Variants in GRM7 observed in about 807,000 individuals in gnomAD.
The protein encoded by GRM7 is glutamate metabotropic receptor 7.
In GRM7, 35 loss-of-function variants were observed where a neutral mutation model predicts 84.5. The observed-to-expected ratio is 0.41, with a 90% CI of 0.32 to 0.55. The LOEUF is 0.55. GRM7 is among the 20% of genes least tolerant of loss of function. GRM7 has a pLI of 0.19. For synonymous variants in GRM7, 487 were observed against 455.1 expected, an observed-to-expected ratio of 1.07 and a Z score of -0.89; for missense variants, 1,003 against 1,194.6, an observed-to-expected ratio of 0.84 and a Z score of 2.36.
chr3:7,400,372 A>C (rs577091312), intron 4 of GRM7, among the ~76,000 whole-genome samples: 1 of 152,312 alleles, frequency 6.6e-6, no homozygotes, highest in Non-Finnish European at 1.5e-5. Flanking sequence ...CACAGTATGC[A>C]TTCTAAGAAC....
chr3:7,398,004 AC>A lies in GRM7; in HGVS notation c.1034-17013del, dbSNP rs111906237. Among the ~76,000 whole-genome samples, 470 of 152,080 alleles carry A rather than the reference AC, an allele frequency of 3.1e-3. 2 individuals are homozygous for A. The highest frequency in any genetic ancestry group is 0.01 in the African/African-American group (420 of 41,496). ...CCCATGTGATATAAACGAAACACCA[AC>A]CCCCCACCAAAAACTTATAATTTTA... On this transcript the variant is annotated intron_variant, in intron 4 of 9. Coordinates refer to ENST00000357716, the MANE Select transcript of GRM7 (RefSeq NM_000844.4).
intron 2 of GRM7, among the ~76,000 whole-genome samples, chr3:7,152,972 C>T (rs996464667): frequency 7.2e-5 from 11 of 151,990 alleles, no homozygotes; most frequent in Admixed American, 2.0e-4. Context: ...AAGGCTGGGG[C>T]GATGGAAAAC....
At chr3:7,355,557 C>T (rs760110773) in intron 4 of GRM7, among the ~76,000 whole-genome samples, 11 of 152,064 alleles carry the variant, frequency 7.2e-5, no homozygotes, top group Non-Finnish European at 1.5e-4. Flanking sequence ...CACATAACTA[C>T]TCTCCTTTAG....
At chr3:7,184,768 G>A (rs1019872327) in intron 2 of GRM7, among the ~76,000 whole-genome samples, 6 of 151,936 alleles carry the variant, frequency 3.9e-5, no homozygotes, top group African/African-American at 7.2e-5. Context: ...ATGTTGTGGC[G>A]GATACTCCTT....
intron 8 of GRM7, among the ~76,000 whole-genome samples, chr3:7,656,105 C>A (rs1699165812): frequency 6.6e-6 from 1 of 152,148 alleles, no homozygotes; most frequent in African/African-American, 2.4e-5. Flanking sequence ...TTTGGGGGTT[C>A]TGTCTAGTGC....
chr3:7,521,410 C>A (rs1033081184), intron 7 of GRM7, among the ~76,000 whole-genome samples: 1 of 152,264 alleles, frequency 6.6e-6, no homozygotes, highest in African/African-American at 2.4e-5. Flanking sequence ...TAAAGGCAAG[C>A]CCCTGTGAAT....
intron 9 of GRM7, among the ~76,000 whole-genome samples, chr3:7,728,573 C>T (rs1194696676): frequency 5.3e-5 from 8 of 152,148 alleles, no homozygotes; most frequent in Admixed American, 3.9e-4. Flanking sequence ...ATTTACTCAA[C>T]CCAAGATGGG....
intron 4 of GRM7, among the ~76,000 whole-genome samples, chr3:7,397,814 G>A (rs1388810318): frequency 6.6e-6 from 1 of 152,066 alleles, no homozygotes; most frequent in Non-Finnish European, 1.5e-5. Flanking sequence ...GGGGGCTGGT[G>A]GTGGTACAGT....
intron 8 of GRM7, among the ~76,000 whole-genome samples, chr3:7,583,351 G>A (rs1290426708): frequency 6.6e-6 from 1 of 152,128 alleles, no homozygotes; most frequent in Non-Finnish European, 1.5e-5. Context: ...AATCTGCCTA[G>A]AACTAATAGA....
intron 9 of GRM7, chr3:7,680,802 G>T: frequency 6.2e-6 from 1 of 162,278 alleles, no homozygotes. Flanking sequence ...TCAAATCCAG[G>T]TACACAGGGC....
chr3:7,574,338 T>C (rs963896161), intron 7 of GRM7, among the ~76,000 whole-genome samples: 2 of 152,058 alleles, frequency 1.3e-5, no homozygotes. Flanking sequence ...TTTTGTAGTG[T>C]TAGTAGAGGC....
chr3:7,159,555 C>T (rs1470972466), intron 2 of GRM7, among the ~76,000 whole-genome samples: 7 of 152,186 alleles, frequency 4.6e-5, no homozygotes, highest in African/African-American at 1.7e-4. Context: ...CACCTTCCCC[C>T]TCTTTCATTC....
chr3:7,220,166 TC>T (rs1245962136), intron 2 of GRM7, among the ~76,000 whole-genome samples: 3 of 152,200 alleles, frequency 2.0e-5, no homozygotes, highest in African/African-American at 4.8e-5. Flanking sequence ...AGTTACAGCA[TC>T]ATTTCTCAAT....
At chr3:7,493,652 G>C (rs1019691005) in intron 7 of GRM7, among the ~76,000 whole-genome samples, 1 of 151,628 alleles carries the variant, frequency 6.6e-6, no homozygotes, top group Non-Finnish European at 1.5e-5. Context: ...TTTTTGATTG[G>C]CATATTTAGA....
chr3:6,967,136 T>A (rs1195311816), intron 1 of GRM7, among the ~76,000 whole-genome samples: 1 of 152,194 alleles, frequency 6.6e-6, no homozygotes, highest in African/African-American at 2.4e-5. Context: ...GGAATTTGCT[T>A]TGAGTTGCCA....
chr3:7,606,504 GT>G (rs980734460), intron 8 of GRM7, among the ~76,000 whole-genome samples: 8 of 152,088 alleles, frequency 5.3e-5, no homozygotes, highest in Admixed American at 1.3e-4. Context: ...CACCTTATCT[GT>G]TTTATAAGTG....
chr3:7,495,628 C>T (rs773446751), intron 7 of GRM7, among the ~76,000 whole-genome samples: 2 of 152,160 alleles, frequency 1.3e-5, no homozygotes, highest in Non-Finnish European at 2.9e-5. Flanking sequence ...AAAAGTCCCT[C>T]TCCCGATTGC....
rs538207399 is a variant in GRM7, at chr3:7,176,564, C to G, written c.736+29896C>G. ...TCTGCAAAAACTGAGTAATCTACTC[C>G]TCTTTTAAAGAGTTGGCATATATTA... On this transcript the variant is annotated intron_variant, in intron 2 of 9. Transcript: ENST00000357716. 2.1e-4 allele frequency among the ~76,000 whole-genome samples: 32 copies of G among 152,310 alleles called. No individual in the cohort carries two copies. In the South Asian group the frequency reaches 5.0e-3, roughly 24 times the overall value.
intron 4 of GRM7, among the ~76,000 whole-genome samples, chr3:7,337,989 T>C (rs1180313319): frequency 6.6e-6 from 1 of 151,740 alleles, no homozygotes; most frequent in Admixed American, 6.6e-5. Context: ...TGTAAAAATA[T>C]GAAACCAGCC....
Sources: allele counts gnomAD v4.1 joint callset (sites outside exome capture counted in the v4.1 genomes callset), GRCh38; gene constraint gnomAD v4.1.1; transcripts MANE v1.5; gene names NCBI Gene and HGNC (gene_info 2026-07-23, HGNC 2026-07-21).